The following CLN3 variants were observed in gnomAD, a reference collection of about 807,000 sequenced individuals.
CLN3 encodes the protein battenin.
A neutral mutation model predicts 60.7 loss-of-function variants in CLN3; 49 were observed. That is an observed-to-expected ratio of 0.81 (90% CI 0.64 to 1.02). The LOEUF (loss-of-function observed/expected upper bound fraction) is 1.02, where lower values mean the gene tolerates loss of function less well. Ranked by LOEUF, CLN3 falls within the 50% of genes least tolerant of loss-of-function variation. The probability of loss-of-function intolerance (pLI) is 0.00; values close to 1 mark genes in which losing one functional copy is unlikely to be tolerated. For missense variants in CLN3, 516 were observed against 557.4 expected (o/e 0.93, Z 0.75); for synonymous variants, 256 against 245.8 (o/e 1.04, Z -0.39).
chr16:28,489,263 T>C (rs752505082), intron 4 of CLN3, 27 bp downstream of exon 4: 31 of 1,530,892 alleles, frequency 2.0e-5, no homozygotes, highest in Non-Finnish European at 2.4e-5. Flanking sequence ...GGACTAACCA[T>C]GGTGGTGGTG....
chr16:28,490,057 C>CAA (rs34443652), intron 3 of CLN3, among the ~76,000 whole-genome samples: 1,412 of 106,672 alleles, frequency 0.013, 13 homozygotes, highest in Middle Eastern at 0.044. Flanking sequence ...GACTCTATCT[C>CAA]AAAAAAAAAA....
chr16:28,482,192 C>T lies in CLN3; in HGVS notation c.969G>A (p.Gln323=), dbSNP rs2141702884. The T allele has an allele frequency of 6.2e-7, 1 of 1,613,066 alleles. No individual in the cohort carries two copies. Among genetic ancestry groups the T allele is most frequent in the East Asian group, 2.2e-5 (1 of 44,824 alleles). ...LSHAQQYRWY[Q]MLYQAGVFAS... is the part of the protein sequence containing the mutation. The stretch of plus-strand genomic sequence containing the variant: ...CAAAGACGCCAGCCTGGTACAGCAT[C>T]TGGTACCTGAGGTTAGGGTTGGGGG... Residue 323 remains glutamine, a synonymous_variant, in exon 14 of 16, where the codon CAG becomes CAA. Coordinates refer to ENST00000636147, the MANE Select transcript of CLN3 (RefSeq NM_001042432.2).
rs758501983 is a variant in CLN3 at position 28,489,296 on chromosome 16, C to T, written c.216G>A (p.Gln72=). 2.5e-6 allele frequency: 4 copies of T among 1,611,940 alleles called. No individual in the cohort carries two copies. Among genetic ancestry groups the T allele is most frequent in the Non-Finnish European group, 3.4e-6 (4 of 1,178,932 alleles). The stretch of plus-strand genomic sequence containing the variant: ...GTGGTAGAGAGTCACTTACATGGCT[C>T]TGGTTTCCCGATGTCCTCTTGTGGC... The part of the protein sequence containing the change: ...ILSHKRTSGN[Q]SHVDPGPTPI... Residue 72 remains glutamine, a synonymous_variant, in exon 4 of 16, where the codon CAG becomes CAA. Transcript: ENST00000636147.
the CLN3 span, among the ~76,000 whole-genome samples, chr16:28,468,762 GCA>G: frequency 8.9e-6 from 1 of 112,322 alleles, no homozygotes; most frequent in Non-Finnish European, 2.0e-5. Context: ...AGCCGAGATC[GCA>G]CCACTGCACT....
In CLN3 at chr16:28,477,417, G is replaced by T; in HGVS notation, c.*99C>A. On this transcript the variant is annotated 3_prime_UTR_variant, in exon 16 of 16. Transcript: ENST00000636147. ...ACTCCCAGACCTGCCGGGAAGGCTG[G>T]GAGCACAGTTCATGGAGGGTCTCTG... 1.3e-6 allele frequency: 2 copies of T among 1,536,120 alleles called. No homozygotes were observed. The highest frequency in any genetic ancestry group is 1.8e-6 in the Non-Finnish European group (2 of 1,117,642).
chr16:28,491,690 A>G, intron 2 of CLN3, 24 bp downstream of exon 2: 1 of 1,614,116 alleles, frequency 6.2e-7, no homozygotes, highest in South Asian at 1.1e-5. Flanking sequence ...TGGTCGTTCC[A>G]TGAGGGTGGG....
At chr16:28,481,456 A>ACACACACACACACG (rs2046093755) in intron 14 of CLN3, among the ~76,000 whole-genome samples, 12 of 70,220 alleles carry the variant, frequency 1.7e-4, no homozygotes, top group African/African-American at 4.2e-4. Context: ...ACACACACGC[A>ACACACACACACACG]CACACACACA....
At chr16:28,484,488 A>G (rs2046170485) in intron 9 of CLN3, 1 of 266,168 alleles carries the variant, frequency 3.8e-6, no homozygotes, top group Non-Finnish European at 7.4e-6. Flanking sequence ...AGCGGGGACT[A>G]CAGGCACGTG....
chr16:28,480,413 T>G (rs1425805684), intron 14 of CLN3, among the ~76,000 whole-genome samples: 1 of 151,614 alleles, frequency 6.6e-6, no homozygotes, highest in Non-Finnish European at 1.5e-5. Flanking sequence ...TAAGTCTTTT[T>G]TTTTGGAGAT....
chr16:28,477,761 G>A lies in CLN3; in HGVS notation c.1173C>T (p.Asn391=), dbSNP rs1334200732. The A allele has an allele frequency of 1.2e-6, 2 of 1,614,210 alleles. No homozygotes were observed. The highest frequency in any genetic ancestry group is 1.1e-5 in the South Asian group (1 of 91,092). ...CCTCCAGGGCGATGTTGTGGAAGGTGTTCACGTAGGCTGCGCCTCCCAGGA... is the reference window on the plus strand; with the variant it reads ...CCTCCAGGGCGATGTTGTGGAAGGTATTCACGTAGGCTGCGCCTCCCAGGA... ...EGLLGGAAYV[N]TFHNIALETS... is the part of the protein sequence containing the mutation. The change falls in exon 15 of 16, where the codon AAC becomes AAT. Residue 391 remains asparagine, a synonymous_variant. Transcript: ENST00000636147.
downstream of CLN3, among the ~76,000 whole-genome samples, chr16:28,474,578 C>CA (rs1286500628): frequency 3.3e-5 from 5 of 152,156 alleles, no homozygotes; most frequent in Non-Finnish European, 7.3e-5. Context: ...AGTCCTCGTA[C>CA]ACTGCCAGTG....
intron 4 of CLN3, 103 bp from the exon 5 acceptor site, chr16:28,488,765 G>A (rs745392682): frequency 7.8e-6 from 9 of 1,148,660 alleles, no homozygotes; most frequent in Non-Finnish European, 1.2e-5. Context: ...ATGGCTTTGG[G>A]TCAGCAGTGA....
chr16:28,489,573 A>C (rs772518198), intron 3 of CLN3, among the ~76,000 whole-genome samples, 187 bp from the exon 4 acceptor site: 10 of 152,046 alleles, frequency 6.6e-5, no homozygotes, highest in Non-Finnish European at 8.8e-5. Flanking sequence ...CAAGATAGTG[A>C]GACCCCCATC....
chr16:28,484,444 G>C (rs552358803), intron 9 of CLN3: 1 of 314,376 alleles, frequency 3.2e-6, no homozygotes, highest in African/African-American at 2.1e-5. Context: ...GACCTCCCAG[G>C]CTCAAGCAAT....
intron 4 of CLN3, 38 bp downstream of exon 4, chr16:28,489,252 G>T: frequency 6.6e-7 from 1 of 1,513,678 alleles, no homozygotes; most frequent in South Asian, 1.2e-5. Context: ...TCTTCCCACA[G>T]GGACTAACCA....
At position 28,489,314 on chromosome 16, in the gene CLN3, C is replaced by G; in HGVS notation, c.198G>C (p.Lys66Asn). The change falls in exon 4 of 16, where the codon AAG (lysine) becomes AAC (asparagine). Residue 66 changes from lysine to asparagine, a missense_variant. Lys to Asn is a moderately conservative substitution (Grantham distance 94). Coordinates refer to ENST00000636147, the MANE Select transcript of CLN3 (RefSeq NM_001042432.2). The part of the protein sequence containing the change: ...LSAAHDILSH[K>N]RTSGNQSHVD... ...CATGGCTCTGGTTTCCCGATGTCCT[C>G]TTGTGGCTAAGGATGTCGTGGGCGG... The G allele has an allele frequency of 6.2e-7, 1 of 1,613,446 alleles. No individual in the cohort carries two copies. Among genetic ancestry groups the G allele is most frequent in the African/African-American group, 1.3e-5 (1 of 75,016 alleles).
chr16:28,482,041 G>C (rs2046105479), intron 14 of CLN3, 64 bp downstream of exon 14: 2 of 1,267,184 alleles, frequency 1.6e-6, no homozygotes, highest in African/African-American at 1.5e-5. Flanking sequence ...CAGGGGGTTT[G>C]GGGAAGCTGG....
intron 14 of CLN3, among the ~76,000 whole-genome samples, chr16:28,480,129 G>GT (rs1319317576): frequency 2.0e-5 from 3 of 151,604 alleles, no homozygotes; most frequent in Non-Finnish European, 2.9e-5. Context: ...CCCTGTTGTT[G>GT]TTTTTTGTAG....
intron 3 of CLN3, among the ~76,000 whole-genome samples, chr16:28,490,057 CAAA>C (rs34443652): frequency 1.9e-5 from 2 of 106,796 alleles, no homozygotes. Context: ...GACTCTATCT[CAAA>C]AAAAAAAAAA....
Sources: allele counts gnomAD v4.1 joint callset (sites outside exome capture counted in the v4.1 genomes callset), GRCh38; gene constraint gnomAD v4.1.1; transcripts MANE v1.5; gene names NCBI Gene and HGNC (gene_info 2026-07-23, HGNC 2026-07-21).